L3MBTL4: variants seen among roughly 807,000 people sequenced by gnomAD.
L3MBTL4 encodes the protein L3MBTL histone methyl-lysine binding protein 4.
Under a neutral mutation model 84.5 loss-of-function variants are expected in L3MBTL4, and 70 were observed. That is an observed-to-expected ratio of 0.83 (90% CI 0.68 to 1.01). The LOEUF is 1.01. Ranked by LOEUF, L3MBTL4 falls within the 50% of genes least tolerant of loss-of-function variation. The probability of loss-of-function intolerance (pLI) is 0.00; values close to 1 mark genes in which losing one functional copy is unlikely to be tolerated. For synonymous variants in L3MBTL4, 274 were observed against 259.8 expected, an observed-to-expected ratio of 1.05 and a Z score of -0.52; for missense variants, 715 against 754.8, an observed-to-expected ratio of 0.95 and a Z score of 0.62.
intron 12 of L3MBTL4, among the ~76,000 whole-genome samples, chr18:6,181,953 G>C (rs1316008830): frequency 6.6e-6 from 1 of 152,130 alleles, no homozygotes; most frequent in Non-Finnish European, 1.5e-5. Context: ...GCTACTGTAA[G>C]TAGTGCCGTG....
intron 4 of L3MBTL4, among the ~76,000 whole-genome samples, chr18:6,290,499 A>G (rs2049809074): frequency 6.6e-6 from 1 of 151,716 alleles, no homozygotes; most frequent in African/African-American, 2.4e-5. Flanking sequence ...CTTTAATTTT[A>G]CAAGTGAACT....
intron 4 of L3MBTL4, among the ~76,000 whole-genome samples, chr18:6,284,975 G>A (rs2049501669): frequency 6.6e-6 from 1 of 152,348 alleles, no homozygotes; most frequent in African/African-American, 2.4e-5. Flanking sequence ...ATGGGCGGGG[G>A]CGGGAATGAA....
intron 17 of L3MBTL4, among the ~76,000 whole-genome samples, chr18:5,961,828 T>C (rs2095264949): frequency 2.0e-5 from 3 of 152,200 alleles, no homozygotes; most frequent in Admixed American, 1.3e-4. Context: ...TGCTCAGTAT[T>C]TGCTGGGAGC....
chr18:6,286,834 T>C (rs2049614339), intron 4 of L3MBTL4, among the ~76,000 whole-genome samples: 1 of 152,150 alleles, frequency 6.6e-6, no homozygotes, highest in Non-Finnish European at 1.5e-5. Flanking sequence ...CTGTTTCATC[T>C]GGGAGTCGGC....
At chr18:6,366,507 G>GTA (rs1215309540) in intron 1 of L3MBTL4, among the ~76,000 whole-genome samples, 1 of 152,172 alleles carries the variant, frequency 6.6e-6, no homozygotes, top group African/African-American at 2.4e-5. Context: ...ATATTATCTA[G>GTA]GAGTAGTTCT....
chr18:6,369,376 TGCGGAG>T (rs1199749860), intron 1 of L3MBTL4, among the ~76,000 whole-genome samples: 1 of 152,166 alleles, frequency 6.6e-6, no homozygotes, highest in Non-Finnish European at 1.5e-5. Context: ...GCATGTGGTG[TGCGGAG>T]GCCAGCAATG....
chr18:6,057,823 C>A (rs892002163), intron 16 of L3MBTL4, among the ~76,000 whole-genome samples: 2 of 152,198 alleles, frequency 1.3e-5, no homozygotes, highest in African/African-American at 4.8e-5. Context: ...AGCAACAAGA[C>A]AAGCAGTGTA....
At chr18:6,122,927 C>T (rs2059575002) in intron 14 of L3MBTL4, among the ~76,000 whole-genome samples, 1 of 152,162 alleles carries the variant, frequency 6.6e-6, no homozygotes. Flanking sequence ...CATTTTAATG[C>T]ACATTACAGA....
At chr18:6,281,652 T>G (rs2049326188) in intron 4 of L3MBTL4, among the ~76,000 whole-genome samples, 1 of 152,182 alleles carries the variant, frequency 6.6e-6, no homozygotes, top group African/African-American at 2.4e-5. Context: ...CAAAATAGAA[T>G]TTTCTTGTGA....
chr18:6,247,466 ATTTTTTT>A (rs71163266), intron 5 of L3MBTL4, among the ~76,000 whole-genome samples: 13 of 49,642 alleles, frequency 2.6e-4, no homozygotes, highest in African/African-American at 8.3e-4. Context: ...CCCTCCTCTG[ATTTTTTT>A]TTTTTTTTTT....
chr18:6,134,978 C>G (rs2059988743), intron 14 of L3MBTL4, among the ~76,000 whole-genome samples: 1 of 152,218 alleles, frequency 6.6e-6, no homozygotes, highest in Admixed American at 6.5e-5. Flanking sequence ...GATCCCTGCC[C>G]CTGCAGCAAA....
chr18:6,276,005 G>A (rs899160297), intron 4 of L3MBTL4, among the ~76,000 whole-genome samples: 34 of 152,168 alleles, frequency 2.2e-4, no homozygotes, highest in Non-Finnish European at 2.9e-4. Flanking sequence ...GAAATTCCTC[G>A]TGGACAAAGG....
intron 1 of L3MBTL4, among the ~76,000 whole-genome samples, chr18:6,387,022 G>A (rs573677948): frequency 2.0e-5 from 3 of 152,276 alleles, no homozygotes; most frequent in African/African-American, 7.2e-5. Flanking sequence ...GCAGGAGAAT[G>A]AGCCAGAATC....
At chr18:6,011,167 G>T (rs1056065047) in intron 16 of L3MBTL4, among the ~76,000 whole-genome samples, 2 of 152,148 alleles carry the variant, frequency 1.3e-5, no homozygotes, top group Non-Finnish European at 2.9e-5. Context: ...CACATCACCA[G>T]TAAGAAATGA....
At chr18:5,959,554 C>A (rs2095251710) in intron 18 of L3MBTL4, among the ~76,000 whole-genome samples, 2 of 152,082 alleles carry the variant, frequency 1.3e-5, no homozygotes, top group Non-Finnish European at 2.9e-5. Flanking sequence ...GAGATAGAAA[C>A]CCCGTAGAAG....
intron 16 of L3MBTL4, among the ~76,000 whole-genome samples, chr18:6,061,472 C>G (rs1206822742): frequency 6.6e-6 from 1 of 151,958 alleles, no homozygotes; most frequent in Non-Finnish European, 1.5e-5. Flanking sequence ...TTTCATATAA[C>G]AGAAATGTTT....
At chr18:6,185,890 G>T (rs1206231636) in intron 12 of L3MBTL4, among the ~76,000 whole-genome samples, 1 of 152,144 alleles carries the variant, frequency 6.6e-6, no homozygotes, top group Non-Finnish European at 1.5e-5. Context: ...ACTGCAAGGG[G>T]CCCGGATCTG....
chr18:6,377,423 T>A (rs764315488), intron 1 of L3MBTL4, among the ~76,000 whole-genome samples: 3 of 152,178 alleles, frequency 2.0e-5, no homozygotes, highest in Non-Finnish European at 4.4e-5. Flanking sequence ...GCTGCACCCA[T>A]CAACCTGTCA....
At chr18:6,297,792 G>A (rs532877694) in intron 4 of L3MBTL4, among the ~76,000 whole-genome samples, 8 of 152,168 alleles carry the variant, frequency 5.3e-5, no homozygotes, top group African/African-American at 1.9e-4. Context: ...ATTCATTTTA[G>A]CCATCATTCA....
Sources: gnomAD v4.1 joint callset for allele counts (sites outside exome capture counted in the v4.1 genomes callset) on GRCh38, gnomAD v4.1.1 for gene constraint, MANE v1.5 for transcripts, NCBI Gene and HGNC (gene_info 2026-07-23, HGNC 2026-07-21) for gene names.